The following PRELID2 variants were observed in gnomAD, a reference collection of about 807,000 sequenced individuals.
PRELID2 encodes the protein PRELI domain-containing protein 2.
Under a neutral mutation model 28.4 loss-of-function variants are expected in PRELID2, and 25 were observed. The ratio of observed to expected loss-of-function variants is 0.88; its 90% CI spans 0.64 to 1.23. The LOEUF is 1.23. Ranked by LOEUF, PRELID2 falls within the 50% of genes most tolerant of loss-of-function variation. The pLI is 0.00. For missense variants in PRELID2, 201 were observed against 214.4 expected (o/e 0.94, Z 0.39); for synonymous variants, 76 against 71.6 (o/e 1.06, Z -0.31).
intron 1 of PRELID2, among the ~76,000 whole-genome samples, chr5:145,654,857 C>T (rs528680926): frequency 1.3e-4 from 20 of 152,290 alleles, no homozygotes; most frequent in African/African-American, 4.8e-4. Context: ...GATGCCCTCT[C>T]TCGCCACTCC....
chr5:145,334,206 C>T, the PRELID2 span, among the ~76,000 whole-genome samples: 1 of 150,024 alleles, frequency 6.7e-6, no homozygotes, highest in South Asian at 2.1e-4. Context: ...CAGATGGGAG[C>T]TGTTACTATT....
chr5:145,501,207 A>C (rs1752357145), intron 1 of PRELID2, among the ~76,000 whole-genome samples: 1 of 152,160 alleles, frequency 6.6e-6, no homozygotes, highest in South Asian at 2.1e-4. Flanking sequence ...CGGAATTCTG[A>C]CCTCAACTAG....
chr5:145,677,600 A>G (rs1458118438), intron 1 of PRELID2, among the ~76,000 whole-genome samples: 8 of 152,222 alleles, frequency 5.3e-5, no homozygotes, highest in African/African-American at 1.7e-4. Context: ...AGAATTGACC[A>G]TTATTGAAGC....
chr5:145,517,115 A>G (rs1167258828), intron 1 of PRELID2, among the ~76,000 whole-genome samples: 1 of 152,190 alleles, frequency 6.6e-6, no homozygotes, highest in Non-Finnish European at 1.5e-5. Context: ...AGCAATGGTA[A>G]CAAAAGCCAA....
chr5:145,690,164 G>C (rs1044573356), intron 1 of PRELID2, among the ~76,000 whole-genome samples: 2 of 151,778 alleles, frequency 1.3e-5, no homozygotes, highest in Non-Finnish European at 2.9e-5. Context: ...GCTACTTTTT[G>C]TATTTTTAGT....
chr5:145,403,894 G>A, the PRELID2 span, among the ~76,000 whole-genome samples: 1 of 152,140 alleles, frequency 6.6e-6, no homozygotes, highest in African/African-American at 2.4e-5. Flanking sequence ...CTTCATAACA[G>A]CCAATGTTAG....
At chr5:145,294,114 T>C in the PRELID2 span, among the ~76,000 whole-genome samples, 1 of 152,174 alleles carries the variant, frequency 6.6e-6, no homozygotes, top group Non-Finnish European at 1.5e-5. Context: ...TGAAAAATTA[T>C]GCACATTATG....
chr5:145,680,107 C>T (rs1754903787), intron 1 of PRELID2, among the ~76,000 whole-genome samples: 2 of 152,022 alleles, frequency 1.3e-5, no homozygotes, highest in South Asian at 4.1e-4. Flanking sequence ...GCTAACTCCA[C>T]CTGAATCACT....
At chr5:145,535,525 A>G (rs903363141) in intron 1 of PRELID2, among the ~76,000 whole-genome samples, 10 of 151,856 alleles carry the variant, frequency 6.6e-5, no homozygotes, top group African/African-American at 2.4e-4. Context: ...TATTATTATT[A>G]TATTTCAAAA....
chr5:145,733,720 G>C (rs2149728902), intron 1 of PRELID2, among the ~76,000 whole-genome samples: 1 of 152,204 alleles, frequency 6.6e-6, no homozygotes, highest in Middle Eastern at 3.4e-3. Flanking sequence ...AAGAAAGTAG[G>C]GTTCATAAAA....
chr5:145,626,621 CAAA>C (rs1753849613), intron 1 of PRELID2, among the ~76,000 whole-genome samples: 1 of 151,812 alleles, frequency 6.6e-6, no homozygotes, highest in African/African-American at 2.4e-5. Context: ...GGAGATTTCT[CAAA>C]TAACTAAAAA....
chr5:145,428,775 A>C, the PRELID2 span, among the ~76,000 whole-genome samples: 1 of 152,202 alleles, frequency 6.6e-6, no homozygotes. Flanking sequence ...GGTATGAAGA[A>C]GTCACTGGGG....
intron 1 of PRELID2, among the ~76,000 whole-genome samples, chr5:145,721,315 C>G (rs1017958508): frequency 7.9e-5 from 12 of 152,098 alleles, no homozygotes; most frequent in Non-Finnish European, 1.8e-4. Context: ...CAAGGATCCC[C>G]TACTGAACAT....
At chr5:145,800,463 T>A (rs1753062253) in intron 4 of PRELID2, among the ~76,000 whole-genome samples, 1 of 152,170 alleles carries the variant, frequency 6.6e-6, no homozygotes, top group South Asian at 2.1e-4. Context: ...TTTCCTGTCT[T>A]TATTCTGGAT....
At chr5:145,678,479 T>G (rs1207737471) in intron 1 of PRELID2, among the ~76,000 whole-genome samples, 1 of 152,186 alleles carries the variant, frequency 6.6e-6, no homozygotes, top group African/African-American at 2.4e-5. Context: ...TTATTGCTCC[T>G]AAGACTGATT....
chr5:145,776,553 A>C (rs1758422361), intron 5 of PRELID2, among the ~76,000 whole-genome samples: 1 of 152,260 alleles, frequency 6.6e-6, no homozygotes, highest in Non-Finnish European at 1.5e-5. Flanking sequence ...AGAAGGAAAA[A>C]GAAATTTGTA....
At position 145,758,597 on chromosome 5, in the gene PRELID2, G is replaced by C. The variant is rs189268174; in HGVS notation, c.*1939C>G. ...GGATGGGAGTTTTTGAGTGTGAAGG[G>C]TTAAACTTACTCTAATGTCAACCTC... is the stretch of plus-strand genomic sequence containing the variant. On this transcript the variant is annotated 3_prime_UTR_variant, in exon 7 of 7. Coordinates refer to ENST00000683046, the MANE Select transcript of PRELID2 (RefSeq NM_205846.3). Among the ~76,000 whole-genome samples, 20 of 152,218 alleles carry C rather than the reference G, an allele frequency of 1.3e-4. No homozygotes were observed. The highest frequency in any genetic ancestry group is 3.4e-3 in the Middle Eastern group (1 of 294).
At chr5:145,640,368 C>T (rs1158752267) in intron 1 of PRELID2, among the ~76,000 whole-genome samples, 10 of 150,358 alleles carry the variant, frequency 6.7e-5, no homozygotes, top group African/African-American at 1.7e-4. Context: ...CCCAGCTACT[C>T]GGGAGGCTGA....
At chr5:145,420,385 G>A in the PRELID2 span, among the ~76,000 whole-genome samples, 1 of 151,648 alleles carries the variant, frequency 6.6e-6, no homozygotes, top group African/African-American at 2.4e-5. Context: ...TCTTCCATTT[G>A]TTTGTATCCT....
Sources: gnomAD v4.1 joint callset for allele counts (sites outside exome capture counted in the v4.1 genomes callset) on GRCh38, gnomAD v4.1.1 for gene constraint, MANE v1.5 for transcripts, NCBI Gene and HGNC (gene_info 2026-07-23, HGNC 2026-07-21) for gene names.